Variants in STAB1 observed in about 807,000 individuals in gnomAD.
The protein encoded by STAB1 is stabilin-1.
In STAB1, 250 loss-of-function variants were observed where a neutral mutation model predicts 332.4. That is an observed-to-expected ratio of 0.75 (90% confidence interval 0.68 to 0.84). The LOEUF (loss-of-function observed/expected upper bound fraction) is 0.84, where lower values mean the gene tolerates loss of function less well. Ranked by LOEUF, STAB1 falls within the 40% of genes least tolerant of loss-of-function variation. The pLI is 0.00. For synonymous variants in STAB1, 1,475 were observed against 1,390.4 expected (o/e 1.06, Z -1.35); for missense variants, 3,249 against 3,489.7 (o/e 0.93, Z 1.74).
chr3:52,516,272 T>C (rs748053852), intron 38 of STAB1, 34 bp downstream of exon 38: 4 of 1,601,744 alleles, frequency 2.5e-6, no homozygotes, highest in African/African-American at 1.3e-5. Flanking sequence ...GTGGGCCTCC[T>C]GGCAGCAGAG....
At position 52,518,557 on chromosome 3, in the gene STAB1, G is replaced by A. The variant is rs778669827; in HGVS notation, c.4831G>A (p.Asp1611Asn). The change falls in exon 47 of 69, where the codon GAT (aspartate) becomes AAT (asparagine). Residue 1611 changes from aspartate to asparagine, a missense_variant. Transcript: ENST00000321725. The part of the protein sequence containing the change: ...RLLEYKELKG[D>N]GPFTIFVPHA... The stretch of plus-strand genomic sequence containing the variant: ...GCAGGAATATAAGGAGCTCAAGGGC[G>A]ATGGGCCTTTCACCATCTTCGTGCC... 5 of 1,595,296 alleles carry A rather than the reference G, an allele frequency of 3.1e-6. No individual in the cohort carries two copies. In the East Asian group the frequency reaches 6.8e-5, roughly 22 times the overall value.
In STAB1 at chr3:52,516,334, A is replaced by G. The variant is rs770044891; in HGVS notation, c.4145-22A>G. 2.4e-5 allele frequency: 39 copies of G among 1,604,976 alleles called. No individual in the cohort carries two copies. In the South Asian group the frequency reaches 3.7e-4, roughly 15 times the overall value. On this transcript the variant is annotated intron_variant, in intron 38 of 68. Coordinates refer to ENST00000321725, the MANE Select transcript of STAB1 (RefSeq NM_015136.3). ...AGGATGGAGGCACTGGGCAACTCCT[A>G]TCCTCCTTTATACCACTGCAGTGTG...
At position 52,516,091 on chromosome 3, in the gene STAB1, C is replaced by T. The variant is rs2078852071; in HGVS notation, c.3997C>T (p.Pro1333Ser). ...CTTTGGCACGCTGTGTGAGCCATGCCCAGGGGGTCTAGGGGGGGTGTGCTC... is the reference window on the plus strand; with the variant it reads ...CTTTGGCACGCTGTGTGAGCCATGCTCAGGGGGTCTAGGGGGGGTGTGCTC... ...GFFGTLCEPC[P>S]GGLGGVCSGH... The change falls in exon 38 of 69, where the codon CCA (proline) becomes TCA (serine). Residue 1333 changes from proline to serine, a missense_variant. Pro to Ser is a moderately conservative substitution (Grantham distance 74, BLOSUM62 -1). Coordinates refer to ENST00000321725, the MANE Select transcript of STAB1 (RefSeq NM_015136.3). 2 of 1,611,726 alleles carry T rather than the reference C, an allele frequency of 1.2e-6. No homozygotes were observed. The highest frequency in any genetic ancestry group is 1.7e-5 in the Admixed American group (1 of 59,830).
Position 52,522,465 on chromosome 3 carries a change from C to T in STAB1, c.6601C>T (p.His2201Tyr). Reference sequence around the variant, plus strand: ...CTCAGATGCCATGTGCACTGACCTGCACTTCCAGGGTGTGTCCCCCTGCCC... The same window carrying T: ...CTCAGATGCCATGTGCACTGACCTGTACTTCCAGGGTGTGTCCCCCTGCCC... ...CHSDAMCTDLHFQEKRAGVFH... is the reference protein window; with the variant it reads ...CHSDAMCTDLYFQEKRAGVFH... The change falls in exon 60 of 69, where the codon CAC becomes TAC. Residue 2201 changes from histidine (H) to tyrosine (Y), a missense_variant. Coordinates refer to ENST00000321725, the MANE Select transcript of STAB1 (RefSeq NM_015136.3). 1.9e-6 allele frequency: 3 copies of T among 1,613,198 alleles called. No homozygotes were observed. Among genetic ancestry groups the T allele is most frequent in the Non-Finnish European group, 2.5e-6 (3 of 1,180,030 alleles).
Position 52,519,569 on chromosome 3 carries a change from T to A in STAB1, c.5235+5T>A. ...ATCTTCAGCGGCCTCCTGAAGGTAC[T>A]GCTCCCGTGTGGGCCTGTCATTGTG... On this transcript the variant is annotated splice_donor_5th_base_variant and intron_variant, in intron 50 of 68. Transcript: ENST00000321725. The A allele has an allele frequency of 1.9e-6, 3 of 1,613,094 alleles. No homozygotes were observed. The highest frequency in any genetic ancestry group is 2.5e-6 in the Non-Finnish European group (3 of 1,179,952).
At chr3:52,517,296 C>G (rs754287232) in intron 42 of STAB1, 24 bp from the exon 43 acceptor site, 1 of 1,541,886 alleles carries the variant, frequency 6.5e-7, no homozygotes, top group Non-Finnish European at 8.7e-7. Context: ...AGGGCCACCC[C>G]CATCCCAGTG....
intron 11 of STAB1, 75 bp from the exon 12 acceptor site, chr3:52,504,664 C>G: frequency 6.2e-7 from 1 of 1,612,380 alleles, no homozygotes; most frequent in South Asian, 1.1e-5. Flanking sequence ...ATCCTGTCCC[C>G]TCCATTGCTG....
intron 12 of STAB1, 32 bp downstream of exon 12, chr3:52,504,908 G>A: frequency 6.2e-7 from 1 of 1,613,492 alleles, no homozygotes; most frequent in Non-Finnish European, 8.5e-7. Flanking sequence ...GGGGACAAGA[G>A]GAGTCACAGC....
In STAB1 at chr3:52,503,106, C is replaced by T. The variant is rs141468598; in HGVS notation, c.691C>T (p.Arg231Ter). Residue 231 changes from arginine to a stop codon, truncating the protein, a stop_gained, in exon 7 of 69, where the codon CGA (arginine) becomes TGA (stop). Coordinates refer to ENST00000321725, the MANE Select transcript of STAB1 (RefSeq NM_015136.3). LOFTEE classifies it high-confidence loss of function. ...CTACACACAGCAGGGCAGTGAATGC[C>T]GAGGTGAGCCTGGACTCAGAGGCCA... The part of the protein sequence containing the change: ...PGYTQQGSEC[R>*]APNPCWPSPC... The T allele has an allele frequency of 5.1e-5, 81 of 1,584,978 alleles. No individual in the cohort carries two copies. Among genetic ancestry groups the T allele is most frequent in the Middle Eastern group, 1.7e-4 (1 of 5,844 alleles).
In STAB1 at chr3:52,516,076, CTG is replaced by C; in HGVS notation, c.3987_3988del (p.Cys1329Ter). The C allele has an allele frequency of 6.2e-7, 1 of 1,611,292 alleles. No individual in the cohort carries two copies. Reference protein sequence around the residue: ...PDCCPGFFGTLCEPCPGGLGG... With the variant: ...PDCCPGFFGTXCEPCPGGLGG... ...CTGCTGCCCTGGTTTCTTTGGCACG[CTG>C]TGTGAGCCATGCCCAGGGGGTCTAG... is the stretch of plus-strand genomic sequence containing the variant. On this transcript the variant is annotated frameshift_variant, in exon 38 of 69. Coordinates refer to ENST00000321725, the MANE Select transcript of STAB1 (RefSeq NM_015136.3). LOFTEE classifies it high-confidence loss of function.
At chr3:52,513,481 G>A (rs1178749011) in intron 30 of STAB1, among the ~76,000 whole-genome samples, 4 of 152,150 alleles carry the variant, frequency 2.6e-5, no homozygotes, top group East Asian at 3.8e-4. Flanking sequence ...ATGCACACCC[G>A]CCCCTGTCAC....
intron 22 of STAB1, 50 bp downstream of exon 22, chr3:52,509,371 T>C: frequency 6.5e-7 from 1 of 1,541,120 alleles, no homozygotes. Flanking sequence ...AACGTCTGCC[T>C]AAAGATGGGT....
intron 52 of STAB1, 52 bp from the exon 53 acceptor site, chr3:52,520,348 G>T: frequency 6.2e-7 from 1 of 1,612,848 alleles, no homozygotes. Context: ...CCTGGCAGTA[G>T]CAGCTGGAGT....
intron 28 of STAB1, 75 bp downstream of exon 28, chr3:52,512,718 C>T: frequency 6.2e-7 from 1 of 1,611,932 alleles, no homozygotes; most frequent in Non-Finnish European, 8.5e-7. Context: ...TGCCATATAA[C>T]ATCTCCAAGC....
At chr3:52,521,793 CCAGGAAGG>C in intron 57 of STAB1, 43 bp from the exon 58 acceptor site, 1 of 1,595,332 alleles carries the variant, frequency 6.3e-7, no homozygotes, top group Non-Finnish European at 8.6e-7. Flanking sequence ...CGGGCAGAGG[CCAGGAAGG>C]CAACTACTAA....
In STAB1 at chr3:52,505,883, G is replaced by A; in HGVS notation, c.1696G>A (p.Gly566Ser). Residue 566 changes from glycine (G) to serine (S), a missense_variant and splice_region_variant, in exon 16 of 69, where the codon GGT becomes AGT. Coordinates refer to ENST00000321725, the MANE Select transcript of STAB1 (RefSeq NM_015136.3). ...DGRLIYLFTA[G>S]LSKLQELVRY... Reference sequence around the variant, plus strand: ...CCAAACCCTCTCTCTCCCCTGCCAGGGTCTCTCTAAACTGCAGGAGTTGGT... The same window carrying A: ...CCAAACCCTCTCTCTCCCCTGCCAGAGTCTCTCTAAACTGCAGGAGTTGGT... 2 of 1,613,966 alleles carry A rather than the reference G, an allele frequency of 1.2e-6. No homozygotes were observed. Among genetic ancestry groups the A allele is most frequent in the Non-Finnish European group, 1.7e-6 (2 of 1,180,038 alleles).
chr3:52,516,977 C>T lies in STAB1; in HGVS notation c.4364-7C>T, dbSNP rs950495944. 1.2e-6 allele frequency: 2 copies of T among 1,610,388 alleles called. No individual in the cohort carries two copies. Among genetic ancestry groups the T allele is most frequent in the Non-Finnish European group, 1.7e-6 (2 of 1,179,252 alleles). ...CTCCTGAGGACTCTCTGGCCATCTC[C>T]CCTTAGAGGTGGACCCCTGCGCCCA... On this transcript the variant is annotated splice_polypyrimidine_tract_variant and splice_region_variant and intron_variant, in intron 41 of 68. Transcript: ENST00000321725.
Position 52,495,401 on chromosome 3 carries a change from G to A in STAB1, c.-13G>A, listed in dbSNP as rs372529122. The A allele has an allele frequency of 3.4e-5, 45 of 1,335,772 alleles. No individual in the cohort carries two copies. Among genetic ancestry groups the A allele is most frequent in the South Asian group, 5.2e-5 (2 of 38,658 alleles). The allele number at this position is 1,335,772 out of a possible 1,614,324, so 82.7% of individuals were successfully genotyped here. On this transcript the variant is annotated 5_prime_UTR_variant, in exon 1 of 69. The change creates a new upstream start codon in the 5' untranslated region. Transcript: ENST00000321725. ...ACGCCCCGACTCTGTCCTGGACAGCGTGCCCACCAGCCATGGCGGGGCCCC... is the reference window on the plus strand; with the variant it reads ...ACGCCCCGACTCTGTCCTGGACAGCATGCCCACCAGCCATGGCGGGGCCCC...
intron 30 of STAB1, 43 bp downstream of exon 30, chr3:52,513,284 A>G: frequency 6.5e-7 from 1 of 1,528,592 alleles, no homozygotes; most frequent in Non-Finnish European, 8.8e-7. Context: ...CAGGTAGGGC[A>G]TGGGAGGGAG....
Sources: allele counts gnomAD v4.1 joint callset (sites outside exome capture counted in the v4.1 genomes callset), GRCh38; gene constraint gnomAD v4.1.1; transcripts MANE v1.5; gene names NCBI Gene and HGNC (gene_info 2026-07-23, HGNC 2026-07-21).